The following ANHX variants were observed in gnomAD, a reference collection of about 807,000 sequenced individuals.
ANHX encodes the protein anomalous homeobox protein.
Under a neutral mutation model 38.9 loss-of-function variants are expected in ANHX, and 20 were observed. The observed-to-expected ratio is 0.51, with a 90% confidence interval of 0.36 to 0.75. The LOEUF is 0.75. ANHX is among the 30% of genes least tolerant of loss of function. The pLI is 0.00. For synonymous variants in ANHX, 185 were observed against 203.1 expected (o/e 0.91, Z 0.76); for missense variants, 475 against 493.1 (o/e 0.96, Z 0.35).
At chr12:133,224,836 G>C (rs141672375) in intron 7 of ANHX, among the ~76,000 whole-genome samples, 1 of 141,422 alleles carries the variant, frequency 7.1e-6, no homozygotes, top group African/African-American at 2.6e-5. Context: ...GCGTGGTGGC[G>C]GGCGCCTGTA....
At chr12:133,226,806 A>T in intron 5 of ANHX, 130 bp downstream of exon 5, 1 of 948,938 alleles carries the variant, frequency 1.1e-6, no homozygotes, top group Non-Finnish European at 1.5e-6. Flanking sequence ...TCTTGCTCCC[A>T]CAGAGTGACA....
In ANHX at chr12:133,218,824, T is replaced by C; in HGVS notation, c.*61A>G. ...GATAAAGCTCTGTAACTCCTTGTGT[T>C]GACCAGGCAGACCATCCACACCCGC... is the stretch of plus-strand genomic sequence containing the variant. On this transcript the variant is annotated 3_prime_UTR_variant, in exon 10 of 10. Transcript: ENST00000545940. 7.7e-7 allele frequency: 1 copy of C among 1,291,030 alleles called. No homozygotes were observed. The highest frequency in any genetic ancestry group is 1.0e-6 in the Non-Finnish European group (1 of 965,618). 80.0% of individuals were successfully genotyped at this position (1,291,030 alleles called of 1,614,324 possible).
chr12:133,230,564 C>T (rs149958380), intron 3 of ANHX, among the ~76,000 whole-genome samples: 1 of 152,240 alleles, frequency 6.6e-6, no homozygotes, highest in African/African-American at 2.4e-5. Flanking sequence ...GAATAAGGCT[C>T]CCCGGAGTTT....
chr12:133,235,061 C>T (rs1174522159), intron 1 of ANHX: 1 of 152,282 alleles, frequency 6.6e-6, no homozygotes, highest in Non-Finnish European at 1.5e-5. Context: ...CGCTCCCTGG[C>T]GAGGGGTTCT....
intron 7 of ANHX, among the ~76,000 whole-genome samples, chr12:133,224,858 T>A (rs1178103915): frequency 6.7e-6 from 1 of 148,726 alleles, no homozygotes; most frequent in African/African-American, 2.5e-5. Flanking sequence ...TCCCAGCTAC[T>A]CGGGAGGCTG....
intron 2 of ANHX, among the ~76,000 whole-genome samples, chr12:133,233,850 C>G (rs1171094713): frequency 1.3e-5 from 2 of 152,206 alleles, no homozygotes; most frequent in East Asian, 3.8e-4. Context: ...TTGCCTGTCA[C>G]AGATCACCAC....
At chr12:133,228,464 C>A (rs140657517) in intron 3 of ANHX, among the ~76,000 whole-genome samples, 24,162 of 152,146 alleles carry the variant, frequency 0.16, 2,474 homozygotes, top group Non-Finnish European at 0.22. Context: ...TTGCATGAGT[C>A]CTCTGAGGCT....
At chr12:133,224,872 C>G (rs967273209) in intron 7 of ANHX, among the ~76,000 whole-genome samples, 7 of 147,560 alleles carry the variant, frequency 4.7e-5, no homozygotes, top group Non-Finnish European at 8.9e-5. Context: ...GAGGCTGAGG[C>G]AGGAGAATGG....
At chr12:133,233,386 A>T (rs1306440130) in intron 2 of ANHX, among the ~76,000 whole-genome samples, 1 of 152,216 alleles carries the variant, frequency 6.6e-6, no homozygotes, top group East Asian at 1.9e-4. Context: ...ACAATGAATT[A>T]TGTATGGACT....
chr12:133,229,091 C>T (rs1314147152), intron 3 of ANHX, among the ~76,000 whole-genome samples: 1 of 152,178 alleles, frequency 6.6e-6, no homozygotes, highest in Admixed American at 6.5e-5. Context: ...GAATCTTCCT[C>T]ATCCTCCTCT....
chr12:133,228,871 CAAAG>C lies in ANHX; in HGVS notation c.378-928_378-925del, dbSNP rs1340073911. 2.0e-5 allele frequency among the ~76,000 whole-genome samples: 3 copies of C among 152,338 alleles called. No individual in the cohort carries two copies. The East Asian group carries it at 5.8e-4, about 29-fold the overall frequency. ...CTGCTCCAGTTCCAGCTAAACTTCT[CAAAG>C]AATGATCTTGGATCACTGCCACTGT... On this transcript the variant is annotated intron_variant, in intron 3 of 9. Transcript: ENST00000545940.
Position 133,220,787 on chromosome 12 carries a change from T to A in ANHX, c.1280+418A>T, listed in dbSNP as rs761964910. On this transcript the variant is annotated intron_variant, in intron 8 of 9. Coordinates refer to ENST00000545940, the MANE Select transcript of ANHX (RefSeq NM_001372060.1). ...GAAGGCCCTGGTCATCTTCTGTTTCTACAGCACTGACACTATCAACAGCAA... is the reference window on the plus strand; with the variant it reads ...GAAGGCCCTGGTCATCTTCTGTTTCAACAGCACTGACACTATCAACAGCAA... Among the ~76,000 whole-genome samples, 115 of 152,198 alleles carry A rather than the reference T, an allele frequency of 7.6e-4. 2 individuals carry two copies. Among genetic ancestry groups the A allele is most frequent in the Admixed American group, 7.9e-4 (12 of 15,284 alleles).
chr12:133,227,337 C>A (rs1957203677), intron 4 of ANHX, among the ~76,000 whole-genome samples, 185 bp from the exon 5 acceptor site: 1 of 152,228 alleles, frequency 6.6e-6, no homozygotes, highest in Admixed American at 6.5e-5. Flanking sequence ...CTGGGCTGAT[C>A]CCCATCCCCT....
intron 3 of ANHX, among the ~76,000 whole-genome samples, chr12:133,230,949 G>A (rs865980326): frequency 2.6e-4 from 40 of 152,134 alleles, no homozygotes; most frequent in African/African-American, 8.9e-4. Flanking sequence ...GCGATGATAA[G>A]GACTACCACT....
chr12:133,232,987 G>C (rs944133386), intron 2 of ANHX, among the ~76,000 whole-genome samples: 1 of 152,176 alleles, frequency 6.6e-6, no homozygotes, highest in African/African-American at 2.4e-5. Context: ...CAATACTGGA[G>C]AGTGAAGGAG....
At chr12:133,232,528 C>A (rs1957296593) in intron 2 of ANHX, among the ~76,000 whole-genome samples, 1 of 152,184 alleles carries the variant, frequency 6.6e-6, no homozygotes, top group Admixed American at 6.5e-5. Flanking sequence ...AGGGAACCTG[C>A]ATGGGAACTT....
chr12:133,234,474 G>A lies in ANHX; in HGVS notation c.-22-96C>T, dbSNP rs1957334285. The A allele has an allele frequency of 7.9e-6, 11 of 1,388,060 alleles. No homozygotes were observed. The South Asian group carries it at 1.1e-4, about 14-fold the overall frequency. The allele number at this position is 1,388,060 out of a possible 1,614,324, so 86.0% of individuals were successfully genotyped here. On this transcript the variant is annotated intron_variant, in intron 1 of 9. Coordinates refer to ENST00000545940, the MANE Select transcript of ANHX (RefSeq NM_001372060.1). ...CACTCTGCAAAGCAGGTGATGCACG[G>A]CTCTTGTGCCGTGGACACTTGTAGA...
intron 3 of ANHX, among the ~76,000 whole-genome samples, chr12:133,228,860 G>A (rs959420234): frequency 6.6e-6 from 1 of 152,162 alleles, no homozygotes; most frequent in African/African-American, 2.4e-5. Context: ...TCCAGTTCCA[G>A]CTAAACTTCT....
intron 8 of ANHX, among the ~76,000 whole-genome samples, chr12:133,220,903 A>G (rs922297983): frequency 3.3e-5 from 5 of 152,198 alleles, no homozygotes; most frequent in African/African-American, 1.2e-4. Flanking sequence ...AGAAACTGAC[A>G]GTGTTTGTTC....
Sources: gnomAD v4.1 joint callset for allele counts (sites outside exome capture counted in the v4.1 genomes callset) on GRCh38, gnomAD v4.1.1 for gene constraint, MANE v1.5 for transcripts, NCBI Gene and HGNC (gene_info 2026-07-23, HGNC 2026-07-21) for gene names.